Variants in ZBTB20 observed in about 807,000 individuals in gnomAD.
ZBTB20 encodes zinc finger and BTB domain containing 20.
A neutral mutation model predicts 56.9 loss-of-function variants in ZBTB20; 9 were observed. That is an observed-to-expected ratio of 0.16 (90% confidence interval 0.10 to 0.28). The LOEUF (loss-of-function observed/expected upper bound fraction) is 0.28. ZBTB20 is among the 10% of genes least tolerant of loss of function. ZBTB20 has a pLI of 1.00. For missense variants in ZBTB20, 655 were observed against 1,003.0 expected (o/e 0.65, Z 4.69); for synonymous variants, 417 against 420.7 (o/e 0.99, Z 0.11).
chr3:114,844,508 A>G, intron 4 of ZBTB20, among the ~76,000 whole-genome samples: 1 of 88,918 alleles, frequency 1.1e-5, no homozygotes, highest in Non-Finnish European at 2.1e-5. Context: ...TTGACAGAGC[A>G]AGTCCCTGTC....
chr3:114,648,372 A>C (rs1428157831), intron 6 of ZBTB20, among the ~76,000 whole-genome samples: 1 of 151,958 alleles, frequency 6.6e-6, no homozygotes, highest in Non-Finnish European at 1.5e-5. Flanking sequence ...CAAAGATTTA[A>C]TGAGCTAAGT....
chr3:115,002,856 T>G lies in ZBTB20; in HGVS notation c.-506-28440A>C, dbSNP rs79035044. ...ATTATGTTCCACAAAATCCTACACA[T>G]AAATGTTTATAGCAGCCCAATTTAT... On this transcript the variant is annotated intron_variant, in intron 2 of 11. Transcript: ENST00000675478. 4.2e-3 allele frequency among the ~76,000 whole-genome samples: 634 copies of G among 151,704 alleles called. 6 individuals carry two copies. Among genetic ancestry groups the G allele is most frequent in the African/African-American group, 0.014 (592 of 41,482 alleles).
At position 114,320,314 on chromosome 3, in the gene ZBTB20, TA is replaced by T. The variant is rs1442226207; in HGVS notation, c.*18690del. On this transcript the variant is annotated 3_prime_UTR_variant, in exon 12 of 12. Transcript: ENST00000675478. ...ATGTCCAATTTTATTTCCAGTGCAT[TA>T]AACAAATTTTAAATTAAAAGAAGAA... is the stretch of plus-strand genomic sequence containing the variant. 1 of 152,222 alleles carries T rather than the reference TA, an allele frequency of 6.6e-6. No homozygotes were observed. Among genetic ancestry groups the T allele is most frequent in the East Asian group, 1.9e-4 (1 of 5,208 alleles). 9.4% of individuals were successfully genotyped at this position (152,222 alleles called of 1,614,324 possible).
At chr3:114,369,595 T>G (rs1057505552) in intron 10 of ZBTB20, among the ~76,000 whole-genome samples, 6 of 152,216 alleles carry the variant, frequency 3.9e-5, no homozygotes, top group African/African-American at 1.4e-4. Flanking sequence ...ATCAGATACT[T>G]TTGTGTACAG....
intron 1 of ZBTB20, among the ~76,000 whole-genome samples, chr3:115,125,648 C>T (rs150513730): frequency 6.6e-6 from 1 of 152,170 alleles, no homozygotes; most frequent in African/African-American, 2.4e-5. Context: ...AAGAGATGTA[C>T]AGTATGGTGA....
chr3:114,870,340 G>T (rs985835746), intron 4 of ZBTB20, among the ~76,000 whole-genome samples: 30 of 150,920 alleles, frequency 2.0e-4, no homozygotes, highest in Non-Finnish European at 2.7e-4. Context: ...AAAAACACAT[G>T]AATTAAGATC....
intron 10 of ZBTB20, among the ~76,000 whole-genome samples, chr3:114,375,400 A>G (rs2083492515): frequency 6.6e-6 from 1 of 152,140 alleles, no homozygotes; most frequent in Non-Finnish European, 1.5e-5. Flanking sequence ...AAAAAAAATT[A>G]CTCTTTAAGT....
intron 7 of ZBTB20, among the ~76,000 whole-genome samples, chr3:114,478,802 TAGA>T (rs1307634552): frequency 2.0e-5 from 3 of 152,134 alleles, no homozygotes; most frequent in Non-Finnish European, 4.4e-5. Context: ...AATTAAGTCA[TAGA>T]AGGTCACAAT....
At chr3:114,529,599 A>G (rs1172808414) in intron 6 of ZBTB20, 15 of 152,242 alleles carry the variant, frequency 9.9e-5, no homozygotes, top group Admixed American at 9.8e-4. Context: ...GAATGAATTC[A>G]GAATAGAACA....
intron 2 of ZBTB20, among the ~76,000 whole-genome samples, chr3:115,011,315 C>A (rs1296616244): frequency 6.6e-6 from 1 of 151,666 alleles, no homozygotes; most frequent in Admixed American, 6.6e-5. Context: ...TTATAGAATG[C>A]CAAGCAGATT....
chr3:115,103,436 C>T (rs2083638825), intron 1 of ZBTB20, among the ~76,000 whole-genome samples: 1 of 152,092 alleles, frequency 6.6e-6, no homozygotes, highest in African/African-American at 2.4e-5. Flanking sequence ...AATGAAACTA[C>T]CAGACTTCAG....
intron 6 of ZBTB20, among the ~76,000 whole-genome samples, chr3:114,586,993 T>A (rs1284069599): frequency 7.4e-6 from 1 of 134,668 alleles, no homozygotes; most frequent in Non-Finnish European, 1.6e-5. Context: ...AACTCCCTTT[T>A]TTTTTTTTTT....
chr3:114,384,433 T>G (rs1005146866), intron 8 of ZBTB20, among the ~76,000 whole-genome samples: 1 of 144,964 alleles, frequency 6.9e-6, no homozygotes, highest in East Asian at 2.0e-4. Flanking sequence ...GTGCACTTCC[T>G]CCCGCCACAC....
chr3:114,369,988 C>T (rs1028064242), intron 10 of ZBTB20, among the ~76,000 whole-genome samples: 1 of 152,128 alleles, frequency 6.6e-6, no homozygotes, highest in Non-Finnish European at 1.5e-5. Flanking sequence ...ACTTGTAAAA[C>T]ATTATTTCTC....
At chr3:114,877,618 T>C (rs557782300) in intron 4 of ZBTB20, among the ~76,000 whole-genome samples, 4 of 152,340 alleles carry the variant, frequency 2.6e-5, no homozygotes, top group East Asian at 1.9e-4. Context: ...TAGTTTTATA[T>C]GTAAATATTT....
In ZBTB20 at chr3:114,500,352, G is replaced by T. The variant is rs374438411; in HGVS notation, c.-255C>A. On this transcript the variant is annotated splice_region_variant and 5_prime_UTR_variant, in exon 7 of 12. Coordinates refer to ENST00000675478, the MANE Select transcript of ZBTB20 (RefSeq NM_001348800.3). Reference sequence around the variant, plus strand: ...AGGTAAAGAAATCACTTTTACTTACGTAAAGAGAAGGGGCAGGTCACAGAC... The same window carrying T: ...AGGTAAAGAAATCACTTTTACTTACTTAAAGAGAAGGGGCAGGTCACAGAC... 1 of 151,780 alleles carries T rather than the reference G, an allele frequency of 6.6e-6. No homozygotes were observed. The highest frequency in any genetic ancestry group is 1.5e-5 in the Non-Finnish European group (1 of 67,992). The allele number at this position is 151,780 out of a possible 1,614,324, so 9.4% of individuals were successfully genotyped here.
At chr3:114,779,727 G>C (rs2069917199) in intron 5 of ZBTB20, among the ~76,000 whole-genome samples, 1 of 152,104 alleles carries the variant, frequency 6.6e-6, no homozygotes. Flanking sequence ...AGATAAATGG[G>C]ACTTTAAAAT....
chr3:114,453,778 T>G (rs2091791206), intron 7 of ZBTB20: 1 of 152,102 alleles, frequency 6.6e-6, no homozygotes, highest in South Asian at 2.1e-4. Context: ...TATGTATATA[T>G]TGGGATGATG....
intron 3 of ZBTB20, among the ~76,000 whole-genome samples, chr3:114,970,138 A>T (rs1199992174): frequency 6.6e-6 from 1 of 152,062 alleles, no homozygotes; most frequent in African/African-American, 2.4e-5. Flanking sequence ...TTCTTTTTTT[A>T]ATACTGACGA....
Sources: gnomAD v4.1 joint callset for allele counts (sites outside exome capture counted in the v4.1 genomes callset) on GRCh38, gnomAD v4.1.1 for gene constraint, MANE v1.5 for transcripts, NCBI Gene and HGNC (gene_info 2026-07-23, HGNC 2026-07-21) for gene names.